MACF1: variants seen among roughly 807,000 people sequenced by gnomAD.
MACF1 encodes microtubule actin crosslinking factor 1.
MACF1 carries 193 observed loss-of-function variants against 854.8 expected under a neutral mutation model. The observed-to-expected ratio is 0.23, with a 90% CI of 0.20 to 0.25. MACF1 has a LOEUF of 0.25. MACF1 is among the 10% of genes least tolerant of loss of function. The pLI, the probability that MACF1 is intolerant of heterozygous loss-of-function variation, is 1.00. For missense variants in MACF1, 7,722 were observed against 8,929.1 expected (o/e 0.86, Z 5.45); for synonymous variants, 3,185 against 3,226.7 (o/e 0.99, Z 0.44).
At chr1:39,392,888 C>G (rs975605681) in intron 58 of MACF1, among the ~76,000 whole-genome samples, 2 of 152,082 alleles carry the variant, frequency 1.3e-5, no homozygotes, top group East Asian at 3.9e-4. Context: ...AGGCAGAGAT[C>G]TCAGGCTTCC....
At chr1:39,191,104 G>GA (rs1310187568) in intron 2 of MACF1, among the ~76,000 whole-genome samples, 1 of 151,820 alleles carries the variant, frequency 6.6e-6, no homozygotes, top group Admixed American at 6.6e-5. Context: ...TATAGGTAGG[G>GA]AAAAAATGTA....
intron 1 of MACF1, among the ~76,000 whole-genome samples, chr1:39,230,839 C>G (rs1160604383): frequency 6.6e-6 from 1 of 152,068 alleles, no homozygotes; most frequent in African/African-American, 2.4e-5. Context: ...CCAAGGCCAC[C>G]CTGTCTGTTG....
intron 58 of MACF1, among the ~76,000 whole-genome samples, chr1:39,408,932 CCCCCGCCGGG>C (rs1414469656): frequency 6.6e-6 from 1 of 151,454 alleles, no homozygotes; most frequent in Non-Finnish European, 1.5e-5. Flanking sequence ...CCCGGCCCCG[CCCCCGCCGGG>C]CCCCGCCCCC....
chr1:39,193,891 T>C (rs1038819556), intron 2 of MACF1, among the ~76,000 whole-genome samples: 10 of 152,152 alleles, frequency 6.6e-5, no homozygotes, highest in Admixed American at 5.9e-4. Flanking sequence ...TTGCCCAGGC[T>C]GGGGTGCAGT....
Position 39,204,846 on chromosome 1 carries a change from G to T in MACF1, c.-177G>T. ...TAGTCCCAGTCTACTAGCGCCTGCTGAAAAACAGTCAGAAGTGAGATGGAG... is the reference window on the plus strand; with the variant it reads ...TAGTCCCAGTCTACTAGCGCCTGCTTAAAAACAGTCAGAAGTGAGATGGAG... On this transcript the variant is annotated 5_prime_UTR_variant, in exon 1 of 101. Transcript: ENST00000564288. The T allele has an allele frequency of 1.7e-6, 1 of 595,256 alleles. No individual in the cohort carries two copies. The highest frequency in any genetic ancestry group is 3.0e-6 in the Non-Finnish European group (1 of 334,734). The allele number at this position is 595,256 out of a possible 1,614,324, so 36.9% of individuals were successfully genotyped here. A position where few individuals can be genotyped will look rare whatever the true frequency, so the allele number is the denominator to read the frequency against.
Position 39,334,113 on chromosome 1 carries a change from C to A in MACF1, c.7525C>A (p.His2509Asn). The A allele has an allele frequency of 6.2e-7, 1 of 1,614,108 alleles. No homozygotes were observed. Among genetic ancestry groups the A allele is most frequent in the Non-Finnish European group, 8.5e-7 (1 of 1,180,006 alleles). ...TKQVVDGGIIHHISGMRLSVD... is the reference protein window; with the variant it reads ...TKQVVDGGIINHISGMRLSVD... Reference sequence around the variant, plus strand: ...GCAAGTGGTAGATGGAGGTATCATTCACCATATATCTGGGATGAGACTTTC... The same window carrying A: ...GCAAGTGGTAGATGGAGGTATCATTAACCATATATCTGGGATGAGACTTTC... Residue 2509 changes from histidine (H) to asparagine (N), a missense_variant, in exon 37 of 101, where the codon CAC (histidine) becomes AAC (asparagine). Coordinates refer to ENST00000564288, the MANE Select transcript of MACF1 (RefSeq NM_001394062.1).
intron 13 of MACF1, 56 bp from the exon 14 acceptor site, chr1:39,285,548 C>A: frequency 6.3e-7 from 1 of 1,576,654 alleles, no homozygotes; most frequent in South Asian, 1.1e-5. Flanking sequence ...CTCCCTCTGT[C>A]CTAGTGAGTG....
At chr1:39,089,031 C>G (rs771407220) in intron 2 of MACF1, among the ~76,000 whole-genome samples, 39 of 152,148 alleles carry the variant, frequency 2.6e-4, no homozygotes, top group Non-Finnish European at 4.6e-4. Context: ...TCAAAGATGA[C>G]TGAAGATGTG....
Position 39,332,316 on chromosome 1 carries a change from G to T in MACF1, c.5728G>T (p.Asp1910Tyr), listed in dbSNP as rs762528510. ...GAAAGCAATAGAAAGTGGTATCCTG[G>T]ATAGAGATCTTGCCAATAACTTAAA... The part of the protein sequence containing the change: ...WKKAIESGIL[D>Y]RDLANNLKSI... Residue 1910 changes from aspartate (D) to tyrosine (Y), a missense_variant, in exon 37 of 101, where the codon GAT becomes TAT. Asp to Tyr is a radical substitution (Grantham distance 160). Around this residue, in one of 15 missense-constraint regions of MACF1, gnomAD observed 1,531 missense variants for 1,601.6 expected, o/e 0.96. Coordinates refer to ENST00000564288, the MANE Select transcript of MACF1 (RefSeq NM_001394062.1). 8.7e-6 allele frequency: 14 copies of T among 1,613,836 alleles called. No individual in the cohort carries two copies. Among genetic ancestry groups the T allele is most frequent in the Non-Finnish European group, 1.1e-5 (13 of 1,180,034 alleles).
At position 39,387,397 on chromosome 1, in the gene MACF1, T is replaced by C. The variant is rs1569840879; in HGVS notation, c.14555T>C (p.Val4852Ala). 3 of 1,614,118 alleles carry C rather than the reference T, an allele frequency of 1.9e-6. No homozygotes were observed. The Admixed American group carries it at 5.0e-5, about 27-fold the overall frequency. Residue 4852 changes from valine (V) to alanine (A), a missense_variant, in exon 58 of 101, where the codon GTG becomes GCG. Physicochemically the swap from Val to Ala is moderately conservative, Grantham distance 64. Coordinates refer to ENST00000564288, the MANE Select transcript of MACF1 (RefSeq NM_001394062.1). ...SLNQHSGSYEVIVAEGESLLL... is the reference protein window; with the variant it reads ...SLNQHSGSYEAIVAEGESLLL... The stretch of plus-strand genomic sequence containing the variant: ...AATCAACACAGTGGCTCCTATGAGG[T>C]GATTGTGGCTGAAGGGGAATCTCTA...
intron 24 of MACF1, among the ~76,000 whole-genome samples, chr1:39,309,957 A>G (rs1286582797): frequency 2.6e-5 from 4 of 152,206 alleles, no homozygotes; most frequent in Non-Finnish European, 5.9e-5. Context: ...CTCACTCTGT[A>G]AGACAATCAT....
chr1:39,293,489 A>G lies in MACF1; in HGVS notation c.2024A>G (p.Gln675Arg). 2 of 1,613,878 alleles carry G rather than the reference A, an allele frequency of 1.2e-6. No homozygotes were observed. The highest frequency in any genetic ancestry group is 1.1e-5 in the South Asian group (1 of 91,048). ...TCTAGCTTCCGGATGAGGCACCTTC[A>G]GAGCCTGCATAAATTTGTTTCCAGA... ...ETSSFRMRHL[Q>R]SLHKFVSRAT... is the part of the protein sequence containing the mutation. Residue 675 changes from glutamine (Q) to arginine (R), a missense_variant, in exon 18 of 101, where the codon CAG becomes CGG. This residue lies in a region of MACF1 where 1,137 missense variants were observed against 1,263.0 expected (regional missense o/e 0.90). Coordinates refer to ENST00000564288, the MANE Select transcript of MACF1 (RefSeq NM_001394062.1).
chr1:39,414,602 A>G (rs783823), intron 58 of MACF1: 64,053 of 1,419,846 alleles, frequency 0.045, 1,666 homozygotes, highest in African/African-American at 0.098. Flanking sequence ...CCGGGCTTAT[A>G]GTTTGTAGTC....
intron 22 of MACF1, among the ~76,000 whole-genome samples, 174 bp downstream of exon 22, chr1:39,300,536 A>G (rs1245289784): frequency 6.6e-6 from 1 of 151,990 alleles, no homozygotes; most frequent in African/African-American, 2.4e-5. Flanking sequence ...AAAAACTTCA[A>G]CACTATAATC....
rs149855171 is a variant in MACF1, at chr1:39,147,339, T to G, written c.220+62901T>G. Reference sequence around the variant, plus strand: ...TTTCCTTCCTTCCTTCCTTTTCTTTTTCCTTCTCTTTTCATTTTCCTTCTC... The same window carrying G: ...TTTCCTTCCTTCCTTCCTTTTCTTTGTCCTTCTCTTTTCATTTTCCTTCTC... On this transcript the variant is annotated intron_variant, in intron 2 of 93. Transcript: ENST00000361689. Among the ~76,000 whole-genome samples the G allele has an allele frequency of 1.7e-4, 26 of 151,320 alleles. No homozygotes were observed. In the East Asian group the frequency reaches 4.8e-3, roughly 28 times the overall value.
chr1:39,297,475 G>C (rs1233817331), intron 20 of MACF1, 145 bp from the exon 21 acceptor site: 4 of 976,404 alleles, frequency 4.1e-6, no homozygotes, highest in Non-Finnish European at 6.0e-6. Flanking sequence ...TTATGTTTCA[G>C]TGGTCCTTGT....
At chr1:39,147,160 C>G (rs1643484769) in intron 2 of MACF1, among the ~76,000 whole-genome samples, 1 of 149,384 alleles carries the variant, frequency 6.7e-6, no homozygotes, top group African/African-American at 2.5e-5. Flanking sequence ...TTTTCCCATT[C>G]CCCTTTCCCC....
In MACF1 at chr1:39,296,806, G is replaced by GGA. The variant is rs1645920732; in HGVS notation, c.2356-814_2356-813insGA. On this transcript the variant is annotated intron_variant, in intron 20 of 100. Coordinates refer to ENST00000564288, the MANE Select transcript of MACF1 (RefSeq NM_001394062.1). ...AAAGAAAGAAAGGAAGGAAGGAAAA[G>GGA]AAAGAAAGGAAGGAAGGAAGGAAGG... is the stretch of plus-strand genomic sequence containing the variant. Among the ~76,000 whole-genome samples, 14 of 111,494 alleles carry GGA rather than the reference G, an allele frequency of 1.3e-4. 1 individual carries two copies. The highest frequency in any genetic ancestry group is 1.9e-4 in the Non-Finnish European group (11 of 57,758). The allele number at this position is 111,494 out of a possible 152,430, so 73.1% of individuals were successfully genotyped here. A position where few individuals can be genotyped will look rare whatever the true frequency, so the allele number is the denominator to read the frequency against.
At chr1:39,260,882 A>G (rs1645155997) in intron 6 of MACF1, among the ~76,000 whole-genome samples, 1 of 152,068 alleles carries the variant, frequency 6.6e-6, no homozygotes, top group Admixed American at 6.5e-5. Context: ...TAATGTGGTT[A>G]CTTACTCTTT....
Sources: allele counts gnomAD v4.1 joint callset (sites outside exome capture counted in the v4.1 genomes callset), GRCh38; gene constraint gnomAD v4.1.1; regional missense constraint gnomAD v4.1.1; transcripts MANE v1.5; gene names NCBI Gene and HGNC (gene_info 2026-07-23, HGNC 2026-07-21).